The following TMEM18 variants were observed in gnomAD, a reference collection of about 807,000 sequenced individuals.
TMEM18 encodes transmembrane protein 18.
A neutral mutation model predicts 17.4 loss-of-function variants in TMEM18; 14 were observed. That is an observed-to-expected ratio of 0.80 (90% CI 0.53 to 1.25). The LOEUF (loss-of-function observed/expected upper bound fraction) is 1.25, where lower values mean the gene tolerates loss of function less well. Ranked by LOEUF, TMEM18 falls within the 50% of genes most tolerant of loss-of-function variation. The pLI, the probability that TMEM18 is intolerant of heterozygous loss-of-function variation, is 0.00. For synonymous variants in TMEM18, 86 were observed against 66.1 expected (o/e 1.30, Z -1.46); for missense variants, 187 against 172.1 (o/e 1.09, Z -0.48).
intron 1 of TMEM18, 110 bp downstream of exon 1, chr2:677,179 C>T (rs997312931): frequency 3.6e-6 from 5 of 1,407,292 alleles, no homozygotes; most frequent in South Asian, 1.2e-5. Flanking sequence ...CCACAAGGCC[C>T]CGCCCACGGC....
intron 2 of TMEM18, among the ~76,000 whole-genome samples, chr2:674,165 T>C (rs766382589): frequency 2.6e-5 from 4 of 152,188 alleles, no homozygotes; most frequent in Non-Finnish European, 5.9e-5. Context: ...CAGTGTCTAG[T>C]ATTACCCCGG....
At chr2:673,631 C>A (rs1004396805) in intron 2 of TMEM18, among the ~76,000 whole-genome samples, 1 of 152,018 alleles carries the variant, frequency 6.6e-6, no homozygotes, top group Non-Finnish European at 1.5e-5. Context: ...GCAGATTAAA[C>A]TAGGGGCTAC....
rs188049792 is a variant in TMEM18, at chr2:666,934, C to T, written c.*2646G>A. Among the ~76,000 whole-genome samples the T allele has an allele frequency of 5.9e-5, 9 of 151,766 alleles. No homozygotes were observed. Among genetic ancestry groups the T allele is most frequent in the Admixed American group, 2.0e-4 (3 of 15,250 alleles). On this transcript the variant is annotated 3_prime_UTR_variant, in exon 5 of 5. Coordinates refer to ENST00000281017, the MANE Select transcript of TMEM18 (RefSeq NM_152834.4). ...TTGGGCCTGACCGGTATATCTCTGA[C>T]GGCAATTCTCGTCTGTCTTTAAGCA...
chr2:677,207 C>G, intron 1 of TMEM18, 82 bp downstream of exon 1: 1 of 1,527,218 alleles, frequency 6.5e-7, no homozygotes, highest in Admixed American at 1.9e-5. Flanking sequence ...TTCTTGGCCA[C>G]AGGCCGGGTG....
rs1678775400 is a variant in TMEM18, at chr2:669,338, G to A, written c.*242C>T. 1 of 546,714 alleles carries A rather than the reference G, an allele frequency of 1.8e-6. No homozygotes were observed. Among genetic ancestry groups the A allele is most frequent in the Non-Finnish European group, 3.2e-6 (1 of 308,386 alleles). The allele number at this position is 546,714 out of a possible 1,614,324, so 33.9% of individuals were successfully genotyped here. ...ATTCCCAGTTATGAAGCTCTGCAGAGACCGTTCCCACAGCCTGACTACAAA... is the reference window on the plus strand; with the variant it reads ...ATTCCCAGTTATGAAGCTCTGCAGAAACCGTTCCCACAGCCTGACTACAAA... On this transcript the variant is annotated 3_prime_UTR_variant, in exon 5 of 5. Transcript: ENST00000281017.
At chr2:676,006 G>C in intron 1 of TMEM18, 1 of 1,305,320 alleles carries the variant, frequency 7.7e-7, no homozygotes, top group Non-Finnish European at 1.0e-6. Context: ...TATGATAATT[G>C]GTGACGACAA....
intron 1 of TMEM18, chr2:676,287 CACT>C (rs1659210066): frequency 6.8e-7 from 1 of 1,475,904 alleles, no homozygotes; most frequent in African/African-American, 1.4e-5. Flanking sequence ...GGCTCAGATC[CACT>C]GCTGCTCAGT....
chr2:675,095 C>A (rs1446532242), intron 2 of TMEM18, among the ~76,000 whole-genome samples: 1 of 152,230 alleles, frequency 6.6e-6, no homozygotes, highest in African/African-American at 2.4e-5. Flanking sequence ...TTCTGTAGCC[C>A]TTATCCTTGA....
chr2:676,479 G>GTAAT (rs71693768), intron 1 of TMEM18: 1 of 1,328,550 alleles, frequency 7.5e-7, no homozygotes. Flanking sequence ...CAGAACTCCT[G>GTAAT]TGTCACTACT....
At chr2:672,600 A>G (rs1243929629) in intron 3 of TMEM18, among the ~76,000 whole-genome samples, 1 of 152,248 alleles carries the variant, frequency 6.6e-6, no homozygotes, top group Admixed American at 6.5e-5. Context: ...ACTGTCCCAC[A>G]GTGCCACGCT....
At chr2:677,176 GCCCCGCCCACGGCCGGGGCCTT>G in intron 1 of TMEM18, 91 bp downstream of exon 1, 1 of 1,379,792 alleles carries the variant, frequency 7.2e-7, no homozygotes, top group Non-Finnish European at 9.9e-7. Flanking sequence ...CCGCCACAAG[GCCCCGCCCACGGCCGGGGCCTT>G]CTTGGCCACA....
chr2:670,443 T>C (rs1342424827), intron 3 of TMEM18: 2 of 152,984 alleles, frequency 1.3e-5, no homozygotes, highest in African/African-American at 4.8e-5. Context: ...GATCTGCACG[T>C]GGGTGTTGAT....
rs528410896 is a variant in TMEM18, at chr2:673,330, G to T, written c.179-468C>A. ...CTGCCACTGAGATGACCATAGGAGGGGAGCGAACAGCTTTGGGGTGCTGGA... is the reference window on the plus strand; with the variant it reads ...CTGCCACTGAGATGACCATAGGAGGTGAGCGAACAGCTTTGGGGTGCTGGA... On this transcript the variant is annotated intron_variant, in intron 2 of 4. Coordinates refer to ENST00000281017, the MANE Select transcript of TMEM18 (RefSeq NM_152834.4). 2.0e-5 allele frequency among the ~76,000 whole-genome samples: 3 copies of T among 152,284 alleles called. No individual in the cohort carries two copies. The East Asian group carries it at 5.8e-4, about 29-fold the overall frequency.
chr2:675,250 C>G (rs768244192), intron 2 of TMEM18, among the ~76,000 whole-genome samples: 4 of 152,242 alleles, frequency 2.6e-5, no homozygotes, highest in Non-Finnish European at 2.9e-5. Context: ...AAACCCAACT[C>G]TCCTGTGTGC....
intron 1 of TMEM18, 88 bp from the exon 2 acceptor site, chr2:675,718 G>A (rs747869051): frequency 6.4e-7 from 1 of 1,560,032 alleles, no homozygotes; most frequent in Non-Finnish European, 8.6e-7. Context: ...AGCGCAGGAG[G>A]CAGGGGCCTC....
At chr2:677,267 G>A (rs1288581375) in intron 1 of TMEM18, 22 bp downstream of exon 1, 2 of 1,607,040 alleles carry the variant, frequency 1.2e-6, no homozygotes, top group East Asian at 2.2e-5. Flanking sequence ...CCGAACTGGT[G>A]GTTACGCGGG....
At chr2:669,905 G>A (rs1377912600) in intron 3 of TMEM18, 55 bp from the exon 4 acceptor site, 1 of 1,366,578 alleles carries the variant, frequency 7.3e-7, no homozygotes. Flanking sequence ...AAAAGTTCTA[G>A]TGACACCGTC....
chr2:676,591 G>C (rs1558183151), intron 1 of TMEM18: 2 of 1,550,496 alleles, frequency 1.3e-6, no homozygotes, highest in Non-Finnish European at 1.7e-6. Flanking sequence ...CCAGAGGCAC[G>C]GAGGTGAGGG....
At position 666,235 on chromosome 2, in the gene TMEM18, C is replaced by A. The variant is rs1190483342; in HGVS notation, c.*3345G>T. Among the ~76,000 whole-genome samples the A allele has an allele frequency of 6.6e-6, 1 of 152,218 alleles. No homozygotes were observed. Among genetic ancestry groups the A allele is most frequent in the East Asian group, 1.9e-4 (1 of 5,190 alleles). On this transcript the variant is annotated 3_prime_UTR_variant, in exon 5 of 5. Coordinates refer to ENST00000281017, the MANE Select transcript of TMEM18 (RefSeq NM_152834.4). The stretch of plus-strand genomic sequence containing the variant: ...GGCAGTAGCCCTGAGGCTTACAGAG[C>A]AGACCCTATGGCCACATGCTTGGAC...
Sources: gnomAD v4.1 joint callset for allele counts (sites outside exome capture counted in the v4.1 genomes callset) on GRCh38, gnomAD v4.1.1 for gene constraint, MANE v1.5 for transcripts, NCBI Gene and HGNC (gene_info 2026-07-23, HGNC 2026-07-21) for gene names.